The following CHST15 variants were observed in gnomAD, a reference collection of about 807,000 sequenced individuals.
CHST15 encodes the protein B cell RAG associated protein (GALNAC4S-6ST).
CHST15 carries 30 observed loss-of-function variants against 53.6 expected under a neutral mutation model. That is an observed-to-expected ratio of 0.56 (90% confidence interval 0.42 to 0.76). The LOEUF is 0.76. CHST15 is among the 30% of genes least tolerant of loss of function. The pLI is 0.00. For synonymous variants in CHST15, 296 were observed against 289.8 expected, an observed-to-expected ratio of 1.02 and a Z score of -0.22; for missense variants, 627 against 740.5, an observed-to-expected ratio of 0.85 and a Z score of 1.78.
rs76660677 is a variant in CHST15, at chr10:124,007,702, G to A, written c.*2447C>T. The stretch of plus-strand genomic sequence containing the variant: ...GAGGAAGAGCACGCGCTCCACAGGC[G>A]TCACTCTTATGGGTCCATCTTTAAT... On this transcript the variant is annotated 3_prime_UTR_variant, in exon 8 of 8. Coordinates refer to ENST00000435907, the MANE Select transcript of CHST15 (RefSeq NM_001270764.2). The A allele has an allele frequency of 4.3e-3, 5,217 of 1,223,576 alleles. 166 individuals are homozygous for A. In the African/African-American group the frequency reaches 0.07, roughly 16 times the overall value. The allele number at this position is 1,223,576 out of a possible 1,614,324, so 75.8% of individuals were successfully genotyped here.
At chr10:124,038,765 C>G in intron 4 of CHST15, 94 bp from the exon 5 acceptor site, 2 of 1,343,018 alleles carry the variant, frequency 1.5e-6, no homozygotes. Flanking sequence ...GCCCCGATGC[C>G]TTCCTCTTAA....
At chr10:124,093,240 C>T (rs2134288432) in intron 1 of CHST15, among the ~76,000 whole-genome samples, 1 of 151,976 alleles carries the variant, frequency 6.6e-6, no homozygotes, top group South Asian at 2.1e-4. Flanking sequence ...TCATTGTCTG[C>T]CTGGGCCGCC....
chr10:124,055,264 C>T (rs964196642), intron 1 of CHST15, among the ~76,000 whole-genome samples: 2 of 152,174 alleles, frequency 1.3e-5, no homozygotes, highest in Non-Finnish European at 2.9e-5. Context: ...CCAGGTAAAA[C>T]TAACAAAGTG....
At chr10:124,056,594 GA>G (rs1948388773) in intron 1 of CHST15, among the ~76,000 whole-genome samples, 1 of 152,230 alleles carries the variant, frequency 6.6e-6, no homozygotes, top group Non-Finnish European at 1.5e-5. Flanking sequence ...GGGGAGGAAG[GA>G]GAGGCGGGGC....
chr10:124,021,239 G>GGC lies in CHST15; in HGVS notation c.1347+16_1347+17insGC, dbSNP rs201105451. ...CCAGGGGCCAGCTCGGGGGGTACGG[G>GGC]GGGGGGGGGTACACACAGGCATGGC... On this transcript the variant is annotated intron_variant, in intron 6 of 7. Coordinates refer to ENST00000435907, the MANE Select transcript of CHST15 (RefSeq NM_001270764.2). 14 of 1,441,680 alleles carry GGC rather than the reference G, an allele frequency of 9.7e-6. No homozygotes were observed. Among genetic ancestry groups the GGC allele is most frequent in the South Asian group, 6.5e-5 (5 of 77,424 alleles). The allele number at this position is 1,441,680 out of a possible 1,614,324, so 89.3% of individuals were successfully genotyped here. A position where few individuals can be genotyped will look rare whatever the true frequency, so the allele number is the denominator to read the frequency against.
chr10:124,021,219 G>T (rs1299125488), intron 6 of CHST15, 37 bp downstream of exon 6: 1 of 1,479,630 alleles, frequency 6.8e-7, no homozygotes, highest in Non-Finnish European at 9.2e-7. Flanking sequence ...TTCTGCCAGG[G>T]GCCAGCTCGG....
intron 1 of CHST15, among the ~76,000 whole-genome samples, chr10:124,058,151 C>A (rs1372805892): frequency 6.6e-6 from 1 of 151,716 alleles, no homozygotes; most frequent in Non-Finnish European, 1.5e-5. Flanking sequence ...TCTACTGACT[C>A]CGGTTTTCCA....
At position 124,045,734 on chromosome 10, in the gene CHST15, G is replaced by C. The variant is rs1166105472; in HGVS notation, c.479C>G (p.Thr160Arg). The C allele has an allele frequency of 6.2e-7, 1 of 1,614,040 alleles. No individual in the cohort carries two copies. Among genetic ancestry groups the C allele is most frequent in the East Asian group, 2.2e-5 (1 of 44,904 alleles). ...TCTGGTCGTGAACTCAATCCTAGTTGTGATGCTGTTGATAATTAATTTAAT... is the reference window on the plus strand; with the variant it reads ...TCTGGTCGTGAACTCAATCCTAGTTCTGATGCTGTTGATAATTAATTTAAT... Reference protein sequence around the residue: ...PSIKLIINSITTRIEFTTRQL... With the variant: ...PSIKLIINSIRTRIEFTTRQL... Residue 160 changes from threonine to arginine, a missense_variant, in exon 2 of 8, where the codon ACA (threonine) becomes AGA (arginine). Thr to Arg is a moderately conservative substitution (Grantham distance 71). Transcript: ENST00000435907.
Position 124,009,804 on chromosome 10 carries a change from C to T in CHST15, c.*345G>A, listed in dbSNP as rs916513185. 4.4e-5 allele frequency: 47 copies of T among 1,080,016 alleles called. No individual in the cohort carries two copies. In the African/African-American group the frequency reaches 7.1e-4, roughly 16 times the overall value. 66.9% of individuals were successfully genotyped at this position (1,080,016 alleles called of 1,614,324 possible). On this transcript the variant is annotated 3_prime_UTR_variant, in exon 8 of 8. Coordinates refer to ENST00000435907, the MANE Select transcript of CHST15 (RefSeq NM_001270764.2). Reference sequence around the variant, plus strand: ...CAGAACCCAGAGGCTCTCCAGAAGGCGGAGGCGGGCAGGGCCAGGCTGCCT... The same window carrying T: ...CAGAACCCAGAGGCTCTCCAGAAGGTGGAGGCGGGCAGGGCCAGGCTGCCT...
intron 1 of CHST15, among the ~76,000 whole-genome samples, chr10:124,051,823 A>G (rs539712537): frequency 6.6e-6 from 1 of 152,350 alleles, no homozygotes; most frequent in South Asian, 2.1e-4. Flanking sequence ...GAGACCCAGA[A>G]ATACCACTTT....
At chr10:124,081,917 G>C (rs984882776) in intron 1 of CHST15, among the ~76,000 whole-genome samples, 2 of 152,178 alleles carry the variant, frequency 1.3e-5, no homozygotes, top group African/African-American at 4.8e-5. Flanking sequence ...GGCCAAATCA[G>C]ATAAAATTTC....
At chr10:124,044,228 C>T (rs1237513967) in intron 3 of CHST15, among the ~76,000 whole-genome samples, 1 of 151,658 alleles carries the variant, frequency 6.6e-6, no homozygotes, top group African/African-American at 2.4e-5. Flanking sequence ...CAGGGAATAG[C>T]ACAGAGCTGG....
chr10:124,065,956 T>C (rs1211925486), intron 1 of CHST15, among the ~76,000 whole-genome samples: 1 of 152,212 alleles, frequency 6.6e-6, no homozygotes, highest in Admixed American at 6.5e-5. Context: ...ATCATTTGCA[T>C]TCCTTTCCCG....
chr10:124,047,182 G>T (rs994559322), intron 1 of CHST15, among the ~76,000 whole-genome samples: 1 of 152,176 alleles, frequency 6.6e-6, no homozygotes, highest in Non-Finnish European at 1.5e-5. Context: ...GGTTAGAAAG[G>T]GAGCAGGCAG....
At chr10:124,093,426 C>T (rs1322695905) in intron 1 of CHST15, 43 bp downstream of exon 1, 1 of 152,468 alleles carries the variant, frequency 6.6e-6, no homozygotes, top group African/African-American at 2.4e-5. Context: ...CCTACCGCCG[C>T]TCCTCGCCGA....
intron 5 of CHST15, among the ~76,000 whole-genome samples, chr10:124,028,479 G>A (rs770406562): frequency 2.2e-4 from 33 of 152,218 alleles, no homozygotes; most frequent in African/African-American, 5.8e-4. Context: ...TCCACGTACC[G>A]TAGCATCCAC....
chr10:124,074,922 C>T lies in CHST15; in HGVS notation c.-513+18547G>A, dbSNP rs1284788987. 1.3e-5 allele frequency among the ~76,000 whole-genome samples: 2 copies of T among 152,190 alleles called. No individual in the cohort carries two copies. Among genetic ancestry groups the T allele is most frequent in the Admixed American group, 6.5e-5 (1 of 15,274 alleles). Reference sequence around the variant, plus strand: ...TGGACAAGACAGACAGGCTCCCAGCCCCCGCGGAGTTAATGATGTTTTGCA... The same window carrying T: ...TGGACAAGACAGACAGGCTCCCAGCTCCCGCGGAGTTAATGATGTTTTGCA... On this transcript the variant is annotated intron_variant, in intron 1 of 7. Coordinates refer to ENST00000435907, the MANE Select transcript of CHST15 (RefSeq NM_001270764.2). The surrounding 1 kb of genome is among the most constrained non-coding windows in gnomAD (Gnocchi z 4.4).
In CHST15 at chr10:124,081,556, A is replaced by G. The variant is rs74588304; in HGVS notation, c.-513+11913T>C. 8.1e-3 allele frequency among the ~76,000 whole-genome samples: 1,232 copies of G among 152,310 alleles called. 15 individuals carry two copies. The highest frequency in any genetic ancestry group is 0.028 in the African/African-American group (1,147 of 41,554). On this transcript the variant is annotated intron_variant, in intron 1 of 7. Coordinates refer to ENST00000435907, the MANE Select transcript of CHST15 (RefSeq NM_001270764.2). ...GTTTCTGCCAAGTTTACTTCTTATT[A>G]CAGTTGTAAAGGTGCTTTAGAATAT...
chr10:124,032,811 G>GAAAAAA (rs11429939), intron 5 of CHST15, among the ~76,000 whole-genome samples: 7 of 135,984 alleles, frequency 5.1e-5, no homozygotes, highest in African/African-American at 1.9e-4. Context: ...TTCTCCTCCA[G>GAAAAAA]AAAAAAAAAA....
Sources: allele counts gnomAD v4.1 joint callset (sites outside exome capture counted in the v4.1 genomes callset), GRCh38; gene constraint gnomAD v4.1.1; non-coding constraint Gnocchi (gnomAD v3.1); transcripts MANE v1.5; gene names NCBI Gene and HGNC (gene_info 2026-07-23, HGNC 2026-07-21).